Variants in SH3PXD2B observed in about 807,000 individuals in gnomAD.
The protein encoded by SH3PXD2B is SH3 and PX domain-containing protein 2B.
SH3PXD2B carries 37 observed loss-of-function variants against 73.1 expected under a neutral mutation model. That is an observed-to-expected ratio of 0.51 (90% CI 0.39 to 0.67). The LOEUF (loss-of-function observed/expected upper bound fraction) is 0.67. SH3PXD2B is among the 30% of genes least tolerant of loss of function. The probability of loss-of-function intolerance (pLI) is 0.00; values close to 1 mark genes in which losing one functional copy is unlikely to be tolerated. For missense variants in SH3PXD2B, 1,053 were observed against 1,197.8 expected, an observed-to-expected ratio of 0.88 and a Z score of 1.78; for synonymous variants, 457 against 480.5, an observed-to-expected ratio of 0.95 and a Z score of 0.64.
chr5:172,387,749 A>T (rs1256425490), intron 4 of SH3PXD2B, among the ~76,000 whole-genome samples: 2 of 152,220 alleles, frequency 1.3e-5, no homozygotes, highest in African/African-American at 2.4e-5. Context: ...GGATTCAGCT[A>T]AGTCATATTT....
At chr5:172,357,192 G>C (rs1207898260) in intron 8 of SH3PXD2B, among the ~76,000 whole-genome samples, 3 of 150,936 alleles carry the variant, frequency 2.0e-5, no homozygotes, top group African/African-American at 4.9e-5. Flanking sequence ...GAGAGGCCAA[G>C]GTGGGCAGAT....
chr5:172,337,781 G>C lies in SH3PXD2B; in HGVS notation c.*588C>G, dbSNP rs1561889330. The C allele has an allele frequency of 1.0e-6, 1 of 995,480 alleles. No homozygotes were observed. Among genetic ancestry groups the C allele is most frequent in the Non-Finnish European group, 1.2e-6 (1 of 835,718 alleles). The allele number at this position is 995,480 out of a possible 1,614,324, so 61.7% of individuals were successfully genotyped here. On this transcript the variant is annotated 3_prime_UTR_variant, in exon 13 of 13. Transcript: ENST00000311601. ...ACTCCTGGGGGAGCCGCATCCAGTG[G>C]AACCTCAGAGGCCCACGGGCCTGAG...
At chr5:172,381,964 C>T in intron 5 of SH3PXD2B, 72 bp downstream of exon 5, 1 of 1,251,802 alleles carries the variant, frequency 8.0e-7, no homozygotes, top group Non-Finnish European at 1.1e-6. Context: ...CTTTGCTTTA[C>T]TTGGGGGTGG....
intron 3 of SH3PXD2B, among the ~76,000 whole-genome samples, chr5:172,403,054 G>A (rs1468566379): frequency 1.3e-5 from 2 of 152,256 alleles, no homozygotes; most frequent in African/African-American, 2.4e-5. Context: ...CATGGGCAGC[G>A]GCCCCGGCCT....
intron 2 of SH3PXD2B, among the ~76,000 whole-genome samples, chr5:172,416,057 G>A (rs570529979): frequency 1.3e-5 from 2 of 152,200 alleles, no homozygotes; most frequent in Non-Finnish European, 2.9e-5. Flanking sequence ...GCCGGGCGCG[G>A]TGGCTCAGGC....
Position 172,333,579 on chromosome 5 carries a change from A to G in SH3PXD2B, c.*4790T>C. ...GGAAAGAAGTCAAATGGTAAAGTAT[A>G]TAGCCTACACATGCTACAGCTAGTT... is the stretch of plus-strand genomic sequence containing the variant. On this transcript the variant is annotated 3_prime_UTR_variant, in exon 13 of 13. Coordinates refer to ENST00000311601, the MANE Select transcript of SH3PXD2B (RefSeq NM_001017995.3). 1 of 1,244,368 alleles carries G rather than the reference A, an allele frequency of 8.0e-7. No homozygotes were observed. The allele number at this position is 1,244,368 out of a possible 1,614,324, so 77.1% of individuals were successfully genotyped here.
rs886060411 is a variant in SH3PXD2B, at chr5:172,335,010, G to A, written c.*3359C>T. On this transcript the variant is annotated 3_prime_UTR_variant, in exon 13 of 13. Transcript: ENST00000311601. ...CCCCAGTAGGGAAGGGCCATTAAAA[G>A]CGGTTTAAGCTGGAGCTCAGCTCTC... 3.6e-5 allele frequency: 35 copies of A among 985,356 alleles called. No individual in the cohort carries two copies. Among genetic ancestry groups the A allele is most frequent in the Admixed American group, 1.2e-4 (2 of 16,264 alleles). The allele number at this position is 985,356 out of a possible 1,614,324, so 61.0% of individuals were successfully genotyped here.
intron 3 of SH3PXD2B, among the ~76,000 whole-genome samples, chr5:172,403,911 G>C (rs759033300): frequency 1.3e-5 from 2 of 152,186 alleles, no homozygotes; most frequent in Non-Finnish European, 2.9e-5. Context: ...TCACTGTCCC[G>C]TTTTTAACAG....
At position 172,421,725 on chromosome 5, in the gene SH3PXD2B, G is replaced by C. The variant is rs1448665343; in HGVS notation, c.156+691C>G. Among the ~76,000 whole-genome samples, 1 of 152,204 alleles carries C rather than the reference G, an allele frequency of 6.6e-6. No individual in the cohort carries two copies. Among genetic ancestry groups the C allele is most frequent in the Admixed American group, 6.5e-5 (1 of 15,286 alleles). On this transcript the variant is annotated intron_variant, in intron 2 of 12. Coordinates refer to ENST00000311601, the MANE Select transcript of SH3PXD2B (RefSeq NM_001017995.3). This position sits in a 1 kb window ranked among gnomAD's most constrained non-coding sequence, Gnocchi z 4.0. ...GGGAGGGCAAAGGCCTGTGGAGAGA[G>C]GCCAAGGTGAGGCAGGAGATGCAGG...
intron 1 of SH3PXD2B, among the ~76,000 whole-genome samples, chr5:172,437,146 G>A (rs888746490): frequency 1.3e-5 from 2 of 152,296 alleles, no homozygotes; most frequent in African/African-American, 4.8e-5. Context: ...TGCTGGGGAA[G>A]GGAAAGCAAC....
In SH3PXD2B at chr5:172,335,852, G is replaced by A; in HGVS notation, c.*2517C>T. ...ACAGACGTCCTCAGGCCATAGATAT[G>A]ACTCAAGGAGAGAACAGTGAACAGA... On this transcript the variant is annotated 3_prime_UTR_variant, in exon 13 of 13. Coordinates refer to ENST00000311601, the MANE Select transcript of SH3PXD2B (RefSeq NM_001017995.3). 2 of 1,226,628 alleles carry A rather than the reference G, an allele frequency of 1.6e-6. No homozygotes were observed. The highest frequency in any genetic ancestry group is 2.0e-6 in the Non-Finnish European group (2 of 985,338). 76.0% of individuals were successfully genotyped at this position (1,226,628 alleles called of 1,614,324 possible). A position where few individuals can be genotyped will look rare whatever the true frequency, so the allele number is the denominator to read the frequency against.
Position 172,334,943 on chromosome 5 carries a change from G to A in SH3PXD2B, c.*3426C>T, listed in dbSNP as rs1756652089. 7.1e-6 allele frequency: 7 copies of A among 985,430 alleles called. No individual in the cohort carries two copies. The highest frequency in any genetic ancestry group is 8.4e-6 in the Non-Finnish European group (7 of 829,948). The allele number at this position is 985,430 out of a possible 1,614,324, so 61.0% of individuals were successfully genotyped here. On this transcript the variant is annotated 3_prime_UTR_variant, in exon 13 of 13. Coordinates refer to ENST00000311601, the MANE Select transcript of SH3PXD2B (RefSeq NM_001017995.3). ...TCTATGGCGTGGCCTTGTGGCAGAG[G>A]TTTAAAATGACTACCGTAACCTGGC...
At chr5:172,382,281 A>G (rs1757966884) in intron 4 of SH3PXD2B, among the ~76,000 whole-genome samples, 154 bp from the exon 5 acceptor site, 1 of 152,132 alleles carries the variant, frequency 6.6e-6, no homozygotes, top group Non-Finnish European at 1.5e-5. Context: ...GCGCCACTGC[A>G]CTCCAGACTG....
At chr5:172,441,962 CCCCTGT>C (rs1173328188) in intron 1 of SH3PXD2B, among the ~76,000 whole-genome samples, 1 of 152,156 alleles carries the variant, frequency 6.6e-6, no homozygotes, top group Non-Finnish European at 1.5e-5. Context: ...CTAATCCCTG[CCCCTGT>C]CCCTATGTGA....
intron 1 of SH3PXD2B, among the ~76,000 whole-genome samples, chr5:172,426,475 T>A (rs541741629): frequency 6.8e-4 from 104 of 152,182 alleles, no homozygotes; most frequent in African/African-American, 2.4e-3. Context: ...GCACTAGGAG[T>A]GCAACGTTCA....
intron 1 of SH3PXD2B, among the ~76,000 whole-genome samples, chr5:172,449,897 A>G (rs116816863): frequency 0.013 from 2,024 of 152,342 alleles, 48 homozygotes; most frequent in African/African-American, 0.046. Context: ...ATGTTCATCA[A>G]TGCCATAGTA....
chr5:172,376,366 G>C (rs903769672), intron 5 of SH3PXD2B, among the ~76,000 whole-genome samples: 1 of 152,138 alleles, frequency 6.6e-6, no homozygotes, highest in South Asian at 2.1e-4. Flanking sequence ...TAGTGGGTGT[G>C]AATTGGATCT....
In SH3PXD2B at chr5:172,421,226, G is replaced by A. The variant is rs1007297545; in HGVS notation, c.156+1190C>T. Among the ~76,000 whole-genome samples, 11 of 152,156 alleles carry A rather than the reference G, an allele frequency of 7.2e-5. No individual in the cohort carries two copies. The highest frequency in any genetic ancestry group is 2.7e-4 in the African/African-American group (11 of 41,422). On this transcript the variant is annotated intron_variant, in intron 2 of 12. Coordinates refer to ENST00000311601, the MANE Select transcript of SH3PXD2B (RefSeq NM_001017995.3). This position sits in a 1 kb window ranked among gnomAD's most constrained non-coding sequence, Gnocchi z 4.0. ...ATAACTCTGTTACATCCTATGAGGA[G>A]GAACCATGACTACCTCCCACACTTG...
intron 1 of SH3PXD2B, among the ~76,000 whole-genome samples, chr5:172,444,498 T>G (rs1340381844): frequency 6.6e-6 from 1 of 152,248 alleles, no homozygotes; most frequent in Non-Finnish European, 1.5e-5. Context: ...TGAAAAGCCT[T>G]GAGCACATAG....
Sources: gnomAD v4.1 joint callset for allele counts (sites outside exome capture counted in the v4.1 genomes callset) on GRCh38, gnomAD v4.1.1 for gene constraint, Gnocchi (gnomAD v3.1) non-coding constraint, MANE v1.5 for transcripts, NCBI Gene and HGNC (gene_info 2026-07-23, HGNC 2026-07-21) for gene names.